The following ETNK1 variants were observed in gnomAD, a reference collection of about 807,000 sequenced individuals.
ETNK1 encodes ethanolamine kinase 1, also known as putative protein product of Nbla10396.
Under a neutral mutation model 45.1 loss-of-function variants are expected in ETNK1, and 8 were observed. The observed-to-expected ratio is 0.18, with a 90% CI of 0.10 to 0.32. The LOEUF is 0.32. Ranked by LOEUF, ETNK1 falls within the 10% of genes least tolerant of loss-of-function variation. The pLI, the probability that ETNK1 is intolerant of heterozygous loss-of-function variation, is 1.00. For missense variants in ETNK1, 302 were observed against 430.6 expected, an observed-to-expected ratio of 0.70 and a Z score of 2.64; for synonymous variants, 152 against 151.9, an observed-to-expected ratio of 1.00 and a Z score of -0.01.
intron 5 of ETNK1, among the ~76,000 whole-genome samples, 172 bp from the exon 6 acceptor site, chr12:22,673,328 A>T (rs1358912392): frequency 3.3e-5 from 5 of 152,248 alleles, no homozygotes; most frequent in Admixed American, 2.6e-4. Flanking sequence ...AAGCTGAAAT[A>T]CAGAATGATT....
chr12:22,664,038 TC>T (rs1565445580), intron 4 of ETNK1, among the ~76,000 whole-genome samples: 1 of 151,978 alleles, frequency 6.6e-6, no homozygotes, highest in African/African-American at 2.4e-5. Context: ...CTTAACCTAG[TC>T]TTTAGTGTTA....
At chr12:22,645,912 C>T (rs1300077022) in intron 2 of ETNK1, among the ~76,000 whole-genome samples, 1 of 151,770 alleles carries the variant, frequency 6.6e-6, no homozygotes, top group African/African-American at 2.4e-5. Context: ...CTAATGTAGG[C>T]ATATACACAT....
intron 3 of ETNK1, 90 bp from the exon 4 acceptor site, chr12:22,660,973 T>G: frequency 8.8e-7 from 1 of 1,139,480 alleles, no homozygotes; most frequent in East Asian, 2.5e-5. Context: ...GCGATTAAAT[T>G]GAAGGGATTT....
chr12:22,644,055 A>T, intron 2 of ETNK1, 33 bp downstream of exon 2: 1 of 1,417,940 alleles, frequency 7.1e-7, no homozygotes, highest in Non-Finnish European at 9.2e-7. Flanking sequence ...TTCCTTTTGA[A>T]AAATAGGGCA....
Position 22,643,765 on chromosome 12 carries a change from C to T in ETNK1, c.159C>T (p.Leu53=). 6.3e-7 allele frequency: 1 copy of T among 1,595,434 alleles called. No individual in the cohort carries two copies. The highest frequency in any genetic ancestry group is 8.6e-7 in the Non-Finnish European group (1 of 1,168,756). ...HWDPQEVTLQ[L]FTDGITNKLI... is the part of the protein sequence containing the mutation. ...TTTTTAAAAAAAATTTTTGGCAGCT[C>T]TTCACAGATGGAATCACAAATAAAC... The change falls in exon 2 of 8, where the codon CTC becomes CTT. Residue 53 remains leucine (L), a splice_region_variant and synonymous_variant. Transcript: ENST00000266517.
chr12:22,664,697 G>C (rs981590187), intron 4 of ETNK1, among the ~76,000 whole-genome samples: 4 of 152,032 alleles, frequency 2.6e-5, no homozygotes, highest in Non-Finnish European at 5.9e-5. Flanking sequence ...GCCATGTTGA[G>C]TCTTTTGAGA....
At chr12:22,635,133 T>A (rs964248568) in intron 1 of ETNK1, among the ~76,000 whole-genome samples, 2 of 152,216 alleles carry the variant, frequency 1.3e-5, no homozygotes, top group African/African-American at 4.8e-5. Flanking sequence ...TGAAACACTT[T>A]CTTACCAAGC....
chr12:22,656,313 T>C, intron 2 of ETNK1: 3 of 625,966 alleles, frequency 4.8e-6, no homozygotes, highest in Non-Finnish European at 4.0e-6. Flanking sequence ...AACTTCAAAA[T>C]ACTTTATTTA....
rs1954252840 is a variant in ETNK1 at position 22,685,465 on chromosome 12, ATTTAGGATTTT to A, written c.*512_*522del. 1 of 151,944 alleles carries A rather than the reference ATTTAGGATTTT, an allele frequency of 6.6e-6. No individual in the cohort carries two copies. The highest frequency in any genetic ancestry group is 1.5e-5 in the Non-Finnish European group (1 of 67,838). 9.4% of individuals were successfully genotyped at this position (151,944 alleles called of 1,614,324 possible). On this transcript the variant is annotated 3_prime_UTR_variant, in exon 8 of 8. Transcript: ENST00000266517. ...TGCCAGTCATTGACTGATGTAGATA[ATTTAGGATTTT>A]CATATAAAAATAGCTGTTTAGGAAG... is the stretch of plus-strand genomic sequence containing the variant.
intron 1 of ETNK1, among the ~76,000 whole-genome samples, chr12:22,641,373 A>C (rs191581362): frequency 6.6e-5 from 10 of 152,294 alleles, no homozygotes; most frequent in Non-Finnish European, 1.5e-4. Flanking sequence ...CACTCATATT[A>C]GCCAGGATAA....
rs17348380 is a variant in ETNK1 at position 22,647,874 on chromosome 12, G to A, written c.416+3852G>A. Among the ~76,000 whole-genome samples the A allele has an allele frequency of 9.6e-3, 1,466 of 151,976 alleles. 12 individuals are homozygous for A. Among genetic ancestry groups the A allele is most frequent in the Non-Finnish European group, 0.016 (1,065 of 67,798 alleles). On this transcript the variant is annotated intron_variant, in intron 2 of 7. Coordinates refer to ENST00000266517, the MANE Select transcript of ETNK1 (RefSeq NM_018638.5). ...AACGAGTATGGAATTTTAAAGCAGCGTTTGACTTGATGTTACTGTAGTAAA... is the reference window on the plus strand; with the variant it reads ...AACGAGTATGGAATTTTAAAGCAGCATTTGACTTGATGTTACTGTAGTAAA...
intron 7 of ETNK1, 72 bp from the exon 8 acceptor site, chr12:22,684,810 T>C (rs772683646): frequency 1.8e-5 from 22 of 1,205,464 alleles, no homozygotes; most frequent in Non-Finnish European, 2.5e-5. Context: ...CTTAGAGGAC[T>C]GAGTGAAAAT....
At chr12:22,654,386 A>G (rs1191625433) in intron 2 of ETNK1, among the ~76,000 whole-genome samples, 1 of 152,262 alleles carries the variant, frequency 6.6e-6, no homozygotes, top group Admixed American at 6.5e-5. Context: ...AAGAATAGGC[A>G]GTATTTTAAA....
intron 6 of ETNK1, among the ~76,000 whole-genome samples, chr12:22,675,229 T>A (rs374505414): frequency 5.1e-4 from 73 of 144,012 alleles, no homozygotes; most frequent in African/African-American, 1.6e-3. Context: ...CTAATTTTTT[T>A]AATTTTTCTG....
At position 22,690,216 on chromosome 12, in the gene ETNK1, T is replaced by G. The variant is rs1954292298; in HGVS notation, c.*5262T>G. On this transcript the variant is annotated 3_prime_UTR_variant, in exon 8 of 8. Transcript: ENST00000266517. Reference sequence around the variant, plus strand: ...AATAGTCTCAGCACTGAAAATGTATTGATACCTCTTAAATGAATGCAACTT... The same window carrying G: ...AATAGTCTCAGCACTGAAAATGTATGGATACCTCTTAAATGAATGCAACTT... 6.6e-6 allele frequency: 1 copy of G among 152,518 alleles called. No homozygotes were observed. The highest frequency in any genetic ancestry group is 1.5e-5 in the Non-Finnish European group (1 of 67,926). The allele number at this position is 152,518 out of a possible 1,614,324, so 9.4% of individuals were successfully genotyped here.
chr12:22,636,960 G>A (rs1215858912), intron 1 of ETNK1, among the ~76,000 whole-genome samples: 1 of 152,102 alleles, frequency 6.6e-6, no homozygotes. Context: ...GCATTGTTGC[G>A]GGGGTGGGAT....
At chr12:22,655,752 G>A (rs904571822) in intron 2 of ETNK1, among the ~76,000 whole-genome samples, 2 of 151,904 alleles carry the variant, frequency 1.3e-5, no homozygotes, top group African/African-American at 4.8e-5. Flanking sequence ...GGTGTTTGGG[G>A]ACATATGACA....
At chr12:22,640,391 A>G (rs1371238783) in intron 1 of ETNK1, among the ~76,000 whole-genome samples, 1 of 151,070 alleles carries the variant, frequency 6.6e-6, no homozygotes, top group Non-Finnish European at 1.5e-5. Flanking sequence ...AACTAAATTG[A>G]AAGCCTTTTT....
chr12:22,633,203 G>T (rs978812444), intron 1 of ETNK1, among the ~76,000 whole-genome samples: 1 of 152,180 alleles, frequency 6.6e-6, no homozygotes, highest in Non-Finnish European at 1.5e-5. Context: ...CATTATGTGA[G>T]AGTTTCACTT....
Sources: allele counts gnomAD v4.1 joint callset (sites outside exome capture counted in the v4.1 genomes callset), GRCh38; gene constraint gnomAD v4.1.1; transcripts MANE v1.5; gene names NCBI Gene and HGNC (gene_info 2026-07-23, HGNC 2026-07-21).